Variants in MCHR2 observed in about 807,000 individuals in gnomAD.
MCHR2 encodes the protein melanin concentrating hormone receptor 2.
MCHR2 carries 15 observed loss-of-function variants against 24.8 expected under a neutral mutation model. The observed-to-expected ratio is 0.60, with a 90% CI of 0.40 to 0.93. The LOEUF (loss-of-function observed/expected upper bound fraction) is 0.93. MCHR2 is among the 40% of genes least tolerant of loss of function. The pLI is 0.00. For synonymous variants in MCHR2, 151 were observed against 147.6 expected, an observed-to-expected ratio of 1.02 and a Z score of -0.17; for missense variants, 386 against 408.7, an observed-to-expected ratio of 0.94 and a Z score of 0.48.
intron 1 of MCHR2, among the ~76,000 whole-genome samples, chr6:99,977,119 T>C (rs1775566402): frequency 6.6e-6 from 1 of 152,266 alleles, no homozygotes; most frequent in South Asian, 2.1e-4. Flanking sequence ...TCTGACATGT[T>C]ATCCTACTCA....
chr6:99,958,302 C>A (rs988490188), intron 1 of MCHR2, among the ~76,000 whole-genome samples: 5 of 151,792 alleles, frequency 3.3e-5, no homozygotes, highest in African/African-American at 4.8e-5. Flanking sequence ...CCAATCTCAC[C>A]TATATAAATA....
chr6:99,947,600 T>C (rs1026280530), intron 3 of MCHR2, among the ~76,000 whole-genome samples, 162 bp downstream of exon 3: 1 of 151,944 alleles, frequency 6.6e-6, no homozygotes, highest in African/African-American at 2.4e-5. Flanking sequence ...TATTCCTCTG[T>C]GAAAGTTGAA....
At chr6:99,940,993 T>C (rs1051313672) in intron 4 of MCHR2, among the ~76,000 whole-genome samples, 2 of 152,198 alleles carry the variant, frequency 1.3e-5, no homozygotes, top group African/African-American at 4.8e-5. Flanking sequence ...ACTTTGTCTC[T>C]GCCTGTTCTC....
chr6:99,992,873 A>T (rs1158816492), intron 1 of MCHR2, among the ~76,000 whole-genome samples: 2 of 152,188 alleles, frequency 1.3e-5, no homozygotes, highest in East Asian at 3.8e-4. Context: ...ATAATGGGTT[A>T]CCAACCCAAT....
At position 99,961,555 on chromosome 6, in the gene MCHR2, G is replaced by A. The variant is rs544264702; in HGVS notation, c.-27-5381C>T. ...AAAAGGATAAGTTCATGTCCTTTGC[G>A]GGGACATGGATGAAGCTGGAAACCA... On this transcript the variant is annotated intron_variant, in intron 1 of 5. Transcript: ENST00000281806. Among the ~76,000 whole-genome samples, 453 of 152,060 alleles carry A rather than the reference G, an allele frequency of 3.0e-3. 3 individuals carry two copies. The highest frequency in any genetic ancestry group is 3.8e-3 in the Non-Finnish European group (257 of 67,954).
At chr6:99,977,035 T>C (rs1237712807) in intron 1 of MCHR2, among the ~76,000 whole-genome samples, 1 of 152,174 alleles carries the variant, frequency 6.6e-6, no homozygotes, top group African/African-American at 2.4e-5. Flanking sequence ...TATAACAAAG[T>C]TATATTTTAG....
At chr6:99,978,326 C>G (rs768937248) in intron 1 of MCHR2, among the ~76,000 whole-genome samples, 5 of 151,950 alleles carry the variant, frequency 3.3e-5, no homozygotes, top group South Asian at 2.1e-4. Flanking sequence ...GGACTGCCAT[C>G]TGACTCTTCT....
chr6:99,978,152 G>A (rs1470968455), intron 1 of MCHR2, among the ~76,000 whole-genome samples: 1 of 152,296 alleles, frequency 6.6e-6, no homozygotes, highest in African/African-American at 2.4e-5. Flanking sequence ...GTTTCCACTT[G>A]ATTAGCAGCA....
At chr6:99,940,165 G>A (rs958266147) in intron 4 of MCHR2, among the ~76,000 whole-genome samples, 5 of 151,764 alleles carry the variant, frequency 3.3e-5, no homozygotes, top group African/African-American at 1.2e-4. Context: ...TTATTTCTTT[G>A]AATAAGCTTT....
chr6:99,958,006 A>G (rs1223701236), intron 1 of MCHR2, among the ~76,000 whole-genome samples: 1 of 152,132 alleles, frequency 6.6e-6, no homozygotes, highest in Non-Finnish European at 1.5e-5. Flanking sequence ...AAATTTAAAC[A>G]TAAAAGGCTA....
At chr6:99,976,053 G>A (rs187648770) in intron 1 of MCHR2, among the ~76,000 whole-genome samples, 1 of 152,144 alleles carries the variant, frequency 6.6e-6, no homozygotes, top group South Asian at 2.1e-4. Flanking sequence ...CTAGGGGAAG[G>A]TCTTTAGGAA....
intron 1 of MCHR2, among the ~76,000 whole-genome samples, chr6:99,990,776 T>A (rs1775858085): frequency 6.6e-6 from 1 of 151,804 alleles, no homozygotes; most frequent in Admixed American, 6.6e-5. Flanking sequence ...TACATTTTTT[T>A]TCTTATCTTC....
At chr6:99,921,898 T>C (rs1416771442) in intron 5 of MCHR2, among the ~76,000 whole-genome samples, 1 of 152,216 alleles carries the variant, frequency 6.6e-6, no homozygotes, top group Non-Finnish European at 1.5e-5. Context: ...GTGCCTGGTT[T>C]ATTTCACTTA....
At chr6:99,923,289 T>G (rs1387951172) in intron 5 of MCHR2, among the ~76,000 whole-genome samples, 1 of 152,072 alleles carries the variant, frequency 6.6e-6, no homozygotes, top group Non-Finnish European at 1.5e-5. Flanking sequence ...TTTTTTTGTG[T>G]GTGGAGTCTT....
intron 1 of MCHR2, among the ~76,000 whole-genome samples, chr6:99,958,621 G>A (rs1326239638): frequency 1.3e-5 from 2 of 152,116 alleles, no homozygotes; most frequent in Admixed American, 1.3e-4. Flanking sequence ...TGGCACCACT[G>A]ATTCAACAGC....
intron 5 of MCHR2, among the ~76,000 whole-genome samples, chr6:99,922,024 T>C (rs1397520518): frequency 1.3e-5 from 2 of 152,244 alleles, no homozygotes; most frequent in South Asian, 4.1e-4. Flanking sequence ...TCTATTGATC[T>C]GTTGATGGAC....
At chr6:99,934,182 A>G (rs1774602947) in intron 5 of MCHR2, among the ~76,000 whole-genome samples, 1 of 152,116 alleles carries the variant, frequency 6.6e-6, no homozygotes, top group Non-Finnish European at 1.5e-5. Context: ...TAATGAAACC[A>G]TTACATCTGT....
chr6:99,964,250 C>G (rs1456825179), intron 1 of MCHR2, among the ~76,000 whole-genome samples: 1 of 152,136 alleles, frequency 6.6e-6, no homozygotes, highest in Non-Finnish European at 1.5e-5. Context: ...GACCCTGAAT[C>G]TTCCCCTTAG....
Position 99,918,600 on chromosome 6 carries a change from G to C in MCHR2, c.*2340C>G, listed in dbSNP as rs576621046. 1.3e-5 allele frequency among the ~76,000 whole-genome samples: 2 copies of C among 152,044 alleles called. No individual in the cohort carries two copies. Among genetic ancestry groups the C allele is most frequent in the Non-Finnish European group, 2.9e-5 (2 of 67,998 alleles). ...TTGAATAAGAATAGAATAAGGATAC[G>C]ATTATTATTTGACTGAGTGACAAAT... is the stretch of plus-strand genomic sequence containing the variant. On this transcript the variant is annotated 3_prime_UTR_variant, in exon 6 of 6. Coordinates refer to ENST00000281806, the MANE Select transcript of MCHR2 (RefSeq NM_001040179.2).
Sources: allele counts gnomAD v4.1 joint callset (sites outside exome capture counted in the v4.1 genomes callset), GRCh38; gene constraint gnomAD v4.1.1; transcripts MANE v1.5; gene names NCBI Gene and HGNC (gene_info 2026-07-23, HGNC 2026-07-21).